TMCC1: variants seen among roughly 807,000 people sequenced by gnomAD.
TMCC1 encodes transmembrane and coiled-coil domain family 1, also known as transmembrane and coiled-coil domains protein 1.
A neutral mutation model predicts 52.4 loss-of-function variants in TMCC1; 15 were observed. The observed-to-expected ratio is 0.29, with a 90% CI of 0.19 to 0.44. The LOEUF is 0.44. TMCC1 is among the 20% of genes least tolerant of loss of function. The probability of loss-of-function intolerance (pLI) is 1.00; values close to 1 mark genes in which losing one functional copy is unlikely to be tolerated. For synonymous variants in TMCC1, 279 were observed against 301.9 expected, an observed-to-expected ratio of 0.92 and a Z score of 0.79; for missense variants, 503 against 806.0, an observed-to-expected ratio of 0.62 and a Z score of 4.55.
chr3:129,731,788 T>A (rs59293037), intron 4 of TMCC1, among the ~76,000 whole-genome samples: 1,679 of 151,930 alleles, frequency 0.011, 20 homozygotes, highest in African/African-American at 0.039. Context: ...GCCCGGCTAG[T>A]TTTTCGTATT....
At chr3:129,758,673 A>C (rs1422202424) in intron 4 of TMCC1, among the ~76,000 whole-genome samples, 2 of 152,158 alleles carry the variant, frequency 1.3e-5, no homozygotes, top group Non-Finnish European at 2.9e-5. Context: ...GTTTTTGTAT[A>C]AGTGCTTTTT....
chr3:129,827,104 T>C (rs962581640), intron 4 of TMCC1, among the ~76,000 whole-genome samples: 2 of 152,194 alleles, frequency 1.3e-5, no homozygotes, highest in African/African-American at 2.4e-5. Flanking sequence ...CCAAGCTCCA[T>C]AACACCTAAG....
intron 2 of TMCC1, among the ~76,000 whole-genome samples, chr3:129,846,765 A>G (rs1158182269): frequency 2.0e-5 from 3 of 150,484 alleles, no homozygotes; most frequent in Admixed American, 6.7e-5. Flanking sequence ...ATAGTGGCTC[A>G]AGCCCATAAT....
intron 2 of TMCC1, among the ~76,000 whole-genome samples, chr3:129,879,872 G>A (rs2061383823): frequency 1.3e-5 from 2 of 152,254 alleles, no homozygotes; most frequent in South Asian, 4.1e-4. Flanking sequence ...TTCAATTTGA[G>A]AAATAAGAAT....
chr3:129,889,581 G>T (rs757858082), intron 1 of TMCC1, among the ~76,000 whole-genome samples: 4 of 152,178 alleles, frequency 2.6e-5, no homozygotes, highest in Middle Eastern at 3.2e-3. Flanking sequence ...GAACTCTGCA[G>T]TATCTTTGCA....
intron 4 of TMCC1, among the ~76,000 whole-genome samples, chr3:129,755,329 A>G (rs965760703): frequency 1.3e-5 from 2 of 152,116 alleles, no homozygotes; most frequent in Non-Finnish European, 2.9e-5. Context: ...TTGTACATGT[A>G]CCCTGAATCT....
intron 4 of TMCC1, among the ~76,000 whole-genome samples, chr3:129,786,763 A>C (rs1290162998): frequency 6.6e-6 from 1 of 152,272 alleles, no homozygotes; most frequent in Non-Finnish European, 1.5e-5. Context: ...AATATATCAT[A>C]AAATGAAGAG....
intron 2 of TMCC1, among the ~76,000 whole-genome samples, chr3:129,853,331 TAAG>T (rs893216247): frequency 1.3e-5 from 2 of 152,140 alleles, no homozygotes; most frequent in Admixed American, 1.3e-4. Flanking sequence ...ACTTGTATCT[TAAG>T]AATAAAATGG....
chr3:129,742,614 G>C (rs978192880), intron 4 of TMCC1, among the ~76,000 whole-genome samples: 12 of 152,096 alleles, frequency 7.9e-5, no homozygotes, highest in African/African-American at 2.9e-4. Flanking sequence ...AGTGGTAAAA[G>C]GTATGGCATG....
chr3:129,765,360 G>A (rs1290508560), intron 4 of TMCC1, among the ~76,000 whole-genome samples: 2 of 151,918 alleles, frequency 1.3e-5, no homozygotes, highest in Non-Finnish European at 2.9e-5. Context: ...AGAATGAGTA[G>A]AAAAATGCTT....
intron 2 of TMCC1, among the ~76,000 whole-genome samples, chr3:129,876,315 A>G (rs1052590926): frequency 2.6e-5 from 4 of 151,406 alleles, no homozygotes; most frequent in African/African-American, 9.7e-5. Flanking sequence ...AAGAATAAAT[A>G]TAAGTGTGAA....
intron 4 of TMCC1, chr3:129,794,479 C>A: frequency 2.3e-6 from 1 of 427,106 alleles, no homozygotes; most frequent in Non-Finnish European, 4.6e-6. Flanking sequence ...CAAAGAATTT[C>A]CCTGGGAGTC....
At chr3:129,692,186 T>C (rs963861923) in intron 4 of TMCC1, among the ~76,000 whole-genome samples, 6 of 152,226 alleles carry the variant, frequency 3.9e-5, no homozygotes, top group African/African-American at 1.4e-4. Flanking sequence ...TAAACTTACT[T>C]ATACAGGTTT....
At chr3:129,863,872 A>G (rs1056249573) in intron 2 of TMCC1, among the ~76,000 whole-genome samples, 1 of 152,146 alleles carries the variant, frequency 6.6e-6, no homozygotes, top group Non-Finnish European at 1.5e-5. Context: ...CAAGAAAAAA[A>G]AAGAATAAGG....
intron 1 of TMCC1, among the ~76,000 whole-genome samples, chr3:129,891,115 C>T (rs1274076985): frequency 1.3e-5 from 2 of 152,192 alleles, no homozygotes; most frequent in Admixed American, 6.5e-5. Flanking sequence ...ACCAGGAAAG[C>T]GCTACCATTT....
At chr3:129,792,451 G>A (rs1337614035) in intron 4 of TMCC1, among the ~76,000 whole-genome samples, 1 of 151,938 alleles carries the variant, frequency 6.6e-6, no homozygotes, top group Non-Finnish European at 1.5e-5. Flanking sequence ...GGGTTCAAGC[G>A]ATTCTCCTGC....
intron 3 of TMCC1, among the ~76,000 whole-genome samples, chr3:129,832,001 C>T (rs1287115741): frequency 3.9e-5 from 6 of 151,998 alleles, no homozygotes; most frequent in African/African-American, 9.7e-5. Flanking sequence ...ATTACAGGCG[C>T]CCACCACCAC....
Position 129,648,540 on chromosome 3 carries a change from T to C in TMCC1, c.*2941A>G, listed in dbSNP as rs2086149830. On this transcript the variant is annotated 3_prime_UTR_variant, in exon 7 of 7. Coordinates refer to ENST00000393238, the MANE Select transcript of TMCC1 (RefSeq NM_001017395.5). ...GAAATTGGAGCAGACAGAAGTACCC[T>C]TCAATTATCATAAACAATGTAAAAT... 1 of 152,192 alleles carries C rather than the reference T, an allele frequency of 6.6e-6. No homozygotes were observed. The highest frequency in any genetic ancestry group is 2.4e-5 in the African/African-American group (1 of 41,424). The allele number at this position is 152,192 out of a possible 1,614,324, so 9.4% of individuals were successfully genotyped here. A position where few individuals can be genotyped will look rare whatever the true frequency, so the allele number is the denominator to read the frequency against.
At chr3:129,720,680 C>G (rs1282459747) in intron 4 of TMCC1, among the ~76,000 whole-genome samples, 1 of 151,958 alleles carries the variant, frequency 6.6e-6, no homozygotes, top group African/African-American at 2.4e-5. Flanking sequence ...GCAAATAAAA[C>G]AGTTATATTA....
Sources: gnomAD v4.1 joint callset for allele counts (sites outside exome capture counted in the v4.1 genomes callset) on GRCh38, gnomAD v4.1.1 for gene constraint, MANE v1.5 for transcripts, NCBI Gene and HGNC (gene_info 2026-07-23, HGNC 2026-07-21) for gene names.